TENM2: variants seen among roughly 807,000 people sequenced by gnomAD.
TENM2 encodes the protein teneurin transmembrane protein 2.
In TENM2, 52 loss-of-function variants were observed where a neutral mutation model predicts 245.2. The observed-to-expected ratio is 0.21, with a 90% CI of 0.17 to 0.27. The LOEUF (loss-of-function observed/expected upper bound fraction) is 0.27, where lower values mean the gene tolerates loss of function less well. Among genes scored for constraint, TENM2 ranks in the 10% least tolerant of loss-of-function variants. TENM2 has a pLI of 1.00. For missense variants in TENM2, 3,046 were observed against 3,666.8 expected, an observed-to-expected ratio of 0.83 and a Z score of 4.37; for synonymous variants, 1,363 against 1,438.9, an observed-to-expected ratio of 0.95 and a Z score of 1.19.
the TENM2 span, among the ~76,000 whole-genome samples, chr5:167,088,007 C>T: frequency 6.6e-6 from 1 of 152,058 alleles, no homozygotes; most frequent in African/African-American, 2.4e-5. Flanking sequence ...CCAAGCTGGT[C>T]TCAAACTCTT....
At chr5:167,678,967 C>T (rs1361436929) in intron 2 of TENM2, among the ~76,000 whole-genome samples, 1 of 152,060 alleles carries the variant, frequency 6.6e-6, no homozygotes, top group African/African-American at 2.4e-5. Context: ...TCTTTATTCT[C>T]GCCATGATGA....
intron 1 of TENM2, among the ~76,000 whole-genome samples, chr5:167,311,461 T>C (rs1294663642): frequency 6.6e-6 from 1 of 152,244 alleles, no homozygotes; most frequent in Non-Finnish European, 1.5e-5. Context: ...TCTGTTCATT[T>C]TACTTTTGTC....
chr5:168,238,622 G>A (rs1364438864), intron 25 of TENM2, among the ~76,000 whole-genome samples: 3 of 152,158 alleles, frequency 2.0e-5, no homozygotes, highest in Non-Finnish European at 4.4e-5. Flanking sequence ...ATTGCGCCTG[G>A]AGCTAAGTTA....
chr5:168,007,989 T>C (rs1784953075), intron 5 of TENM2, among the ~76,000 whole-genome samples: 1 of 152,258 alleles, frequency 6.6e-6, no homozygotes, highest in African/African-American at 2.4e-5. Context: ...CTTGATATTT[T>C]AATATTATTG....
the TENM2 span, among the ~76,000 whole-genome samples, chr5:167,173,950 T>TTTA: frequency 6.6e-6 from 1 of 152,208 alleles, no homozygotes; most frequent in African/African-American, 2.4e-5. Flanking sequence ...TTTAAAATGA[T>TTTA]CCTTATGTGA....
intron 2 of TENM2, among the ~76,000 whole-genome samples, chr5:167,681,752 A>G (rs1756723274): frequency 6.6e-6 from 1 of 152,126 alleles, no homozygotes; most frequent in Non-Finnish European, 1.5e-5. Flanking sequence ...TTATCCCACC[A>G]TTAGTGTAGG....
At chr5:167,667,605 A>G (rs1451409899) in intron 2 of TENM2, among the ~76,000 whole-genome samples, 2 of 152,198 alleles carry the variant, frequency 1.3e-5, no homozygotes, top group East Asian at 3.9e-4. Flanking sequence ...AGATTTGGCC[A>G]GGAAAGAAGG....
chr5:167,357,611 AT>A (rs563056258), intron 1 of TENM2, among the ~76,000 whole-genome samples: 192 of 152,178 alleles, frequency 1.3e-3, no homozygotes, highest in African/African-American at 4.5e-3. Flanking sequence ...AGATTGTCTT[AT>A]TTTTTAAAAA....
intron 5 of TENM2, among the ~76,000 whole-genome samples, chr5:168,022,336 C>T (rs1300548290): frequency 6.6e-6 from 1 of 152,194 alleles, no homozygotes; most frequent in Admixed American, 6.5e-5. Flanking sequence ...GAGAAGTTGA[C>T]AGATTGTGAA....
the TENM2 span, among the ~76,000 whole-genome samples, chr5:166,983,542 C>A: frequency 1.3e-5 from 2 of 152,030 alleles, no homozygotes; most frequent in African/African-American, 4.8e-5. Flanking sequence ...GAAACTGAAA[C>A]CAAGTAACAC....
chr5:167,697,372 T>G (rs1265928406), intron 2 of TENM2, among the ~76,000 whole-genome samples: 1 of 152,188 alleles, frequency 6.6e-6, no homozygotes, highest in African/African-American at 2.4e-5. Flanking sequence ...TATTTCGAAT[T>G]GTAATCACGT....
chr5:167,054,928 GT>G, the TENM2 span, among the ~76,000 whole-genome samples: 3 of 151,978 alleles, frequency 2.0e-5, no homozygotes, highest in Admixed American at 2.0e-4. Context: ...TTTAGGATGA[GT>G]CCTTTATCCT....
chr5:167,927,971 G>A (rs1777892419), intron 3 of TENM2, among the ~76,000 whole-genome samples: 1 of 152,032 alleles, frequency 6.6e-6, no homozygotes, highest in African/African-American at 2.4e-5. Flanking sequence ...ATGCTTTTTT[G>A]AAATTATTTT....
chr5:167,150,390 T>A, the TENM2 span, among the ~76,000 whole-genome samples: 1 of 152,342 alleles, frequency 6.6e-6, no homozygotes, highest in Admixed American at 6.5e-5. Context: ...AGAATTTTTG[T>A]TATGTGAGGA....
the TENM2 span, among the ~76,000 whole-genome samples, chr5:167,056,669 C>CTATATAA: frequency 7.8e-6 from 1 of 127,628 alleles, no homozygotes; most frequent in Non-Finnish European, 1.6e-5. Context: ...ATATATGTGC[C>CTATATAA]ATATATATAT....
chr5:167,609,430 A>T (rs1439245457), intron 2 of TENM2, among the ~76,000 whole-genome samples: 2 of 145,472 alleles, frequency 1.4e-5, no homozygotes, highest in Non-Finnish European at 3.0e-5. Flanking sequence ...CTTCTCCTTA[A>T]GTTCCTTTAC....
At position 167,420,894 on chromosome 5, in the gene TENM2, T is replaced by C. The variant is rs1207469720; in HGVS notation, c.502+45421T>C. 2.0e-5 allele frequency among the ~76,000 whole-genome samples: 3 copies of C among 152,244 alleles called. No individual in the cohort carries two copies. The East Asian group carries it at 5.8e-4, about 29-fold the overall frequency. On this transcript the variant is annotated intron_variant, in intron 2 of 28. Coordinates refer to ENST00000518659, the Ensembl canonical transcript of TENM2. ...TGATATGTTGCACACACTCAAAATA[T>C]TTGTTGCATAAAGAAATGAGTGAAG...
intron 2 of TENM2, among the ~76,000 whole-genome samples, chr5:167,642,884 G>A (rs1561631309): frequency 6.6e-6 from 1 of 152,150 alleles, no homozygotes; most frequent in Non-Finnish European, 1.5e-5. Flanking sequence ...GAACAGTGCA[G>A]GGATCATGTC....
chr5:167,489,244 G>A (rs1768276595), intron 2 of TENM2, among the ~76,000 whole-genome samples: 2 of 152,168 alleles, frequency 1.3e-5, no homozygotes, highest in Non-Finnish European at 1.5e-5. Context: ...CTCAAAGTAA[G>A]GGTCTAATGC....
Sources: allele counts gnomAD v4.1 joint callset (sites outside exome capture counted in the v4.1 genomes callset), GRCh38; gene constraint gnomAD v4.1.1; transcripts MANE v1.5; gene names NCBI Gene and HGNC (gene_info 2026-07-23, HGNC 2026-07-21).